The following LRRC3B variants were observed in gnomAD, a reference collection of about 807,000 sequenced individuals.
LRRC3B encodes the protein leucine rich repeat containing 3B, also known as leucine-rich repeat-containing protein 3B.
LRRC3B carries 2 observed loss-of-function variants against 12.8 expected under a neutral mutation model. The ratio of observed to expected loss-of-function variants is 0.16; its 90% CI spans 0.06 to 0.49. The LOEUF is 0.49. Ranked by LOEUF, LRRC3B falls within the 20% of genes least tolerant of loss-of-function variation. The pLI, the probability that LRRC3B is intolerant of heterozygous loss-of-function variation, is 0.96. For synonymous variants in LRRC3B, 132 were observed against 122.0 expected (o/e 1.08, Z -0.54); for missense variants, 189 against 319.4 (o/e 0.59, Z 3.11).
At chr3:26,672,143 AAC>A (rs1240356223) in intron 1 of LRRC3B, among the ~76,000 whole-genome samples, 5 of 152,234 alleles carry the variant, frequency 3.3e-5, no homozygotes, top group South Asian at 2.1e-4. Flanking sequence ...TGTTTTAATT[AAC>A]AGAGTGCATT....
At chr3:26,668,884 T>G (rs1699662985) in intron 1 of LRRC3B, among the ~76,000 whole-genome samples, 1 of 152,178 alleles carries the variant, frequency 6.6e-6, no homozygotes, top group African/African-American at 2.4e-5. Context: ...TTTTATATTA[T>G]GAGTATTTAG....
At chr3:26,681,584 C>G (rs917686482) in intron 1 of LRRC3B, among the ~76,000 whole-genome samples, 4 of 152,120 alleles carry the variant, frequency 2.6e-5, no homozygotes, top group Non-Finnish European at 5.9e-5. Context: ...GATAGTGATT[C>G]ATATCTTTCA....
At chr3:26,702,218 A>G (rs1003312314) in intron 1 of LRRC3B, among the ~76,000 whole-genome samples, 1 of 152,216 alleles carries the variant, frequency 6.6e-6, no homozygotes, top group Admixed American at 6.5e-5. Context: ...TAAAGGCTGG[A>G]ATATTAGAGA....
chr3:26,631,843 G>T (rs78809774), intron 1 of LRRC3B, among the ~76,000 whole-genome samples: 3 of 152,032 alleles, frequency 2.0e-5, no homozygotes, highest in African/African-American at 4.8e-5. Context: ...TACTTCCCCC[G>T]TAAGAGGGAA....
chr3:26,693,624 T>C (rs938653377), intron 1 of LRRC3B, among the ~76,000 whole-genome samples: 1 of 152,200 alleles, frequency 6.6e-6, no homozygotes, highest in South Asian at 2.1e-4. Context: ...ATTTTATAGA[T>C]GAAAACGTTG....
intron 1 of LRRC3B, among the ~76,000 whole-genome samples, chr3:26,691,575 C>T (rs1173380082): frequency 6.6e-6 from 1 of 152,170 alleles, no homozygotes; most frequent in Non-Finnish European, 1.5e-5. Flanking sequence ...ATAACTTCTC[C>T]ATCCATTTCT....
chr3:26,674,464 C>A lies in LRRC3B; in HGVS notation c.-160-35049C>A, dbSNP rs1375369812. 1.3e-4 allele frequency among the ~76,000 whole-genome samples: 19 copies of A among 149,596 alleles called. No individual in the cohort carries two copies. The East Asian group carries it at 3.3e-3, about 26-fold the overall frequency. ...AGTACTTGGCTTCTATTCTTGTGTT[C>A]TTATAAAAAGGAAAGAAGGTTGCTT... On this transcript the variant is annotated intron_variant, in intron 1 of 1. Transcript: ENST00000396641.
intron 1 of LRRC3B, among the ~76,000 whole-genome samples, chr3:26,628,659 T>C (rs988624915): frequency 1.3e-5 from 2 of 151,876 alleles, no homozygotes; most frequent in Admixed American, 1.3e-4. Context: ...ATATACTTTA[T>C]AAAAACTTAG....
At chr3:26,671,362 A>ATATATATATG (rs1559361689) in intron 1 of LRRC3B, among the ~76,000 whole-genome samples, 16 of 77,944 alleles carry the variant, frequency 2.1e-4, no homozygotes, top group African/African-American at 8.6e-4. Context: ...ATATATATAT[A>ATATATATATG]TATATATATA....
At chr3:26,662,970 T>G (rs531678556) in intron 1 of LRRC3B, among the ~76,000 whole-genome samples, 1 of 152,170 alleles carries the variant, frequency 6.6e-6, no homozygotes, top group African/African-American at 2.4e-5. Flanking sequence ...AGGAGGTGCC[T>G]TCTGGGAATC....
At chr3:26,655,282 T>C (rs2125418098) in intron 1 of LRRC3B, among the ~76,000 whole-genome samples, 1 of 152,336 alleles carries the variant, frequency 6.6e-6, no homozygotes, top group East Asian at 1.9e-4. Flanking sequence ...CCTATAGTCA[T>C]AGAGCAAACA....
chr3:26,653,327 C>G (rs1455101656), intron 1 of LRRC3B, among the ~76,000 whole-genome samples: 2 of 151,484 alleles, frequency 1.3e-5, no homozygotes, highest in Non-Finnish European at 2.9e-5. Flanking sequence ...AACAGTTCCT[C>G]CAAGAAATCT....
chr3:26,708,224 G>A (rs1700652111), intron 1 of LRRC3B, among the ~76,000 whole-genome samples: 2 of 152,150 alleles, frequency 1.3e-5, no homozygotes. Flanking sequence ...TAGATCCTGG[G>A]AGGGAATCTT....
chr3:26,685,589 T>C (rs1700069273), intron 1 of LRRC3B, among the ~76,000 whole-genome samples: 1 of 129,342 alleles, frequency 7.7e-6, no homozygotes, highest in African/African-American at 3.1e-5. Context: ...TATACAAGCT[T>C]CACTCATATA....
intron 1 of LRRC3B, among the ~76,000 whole-genome samples, chr3:26,640,550 C>T (rs1229069588): frequency 6.6e-6 from 1 of 152,024 alleles, no homozygotes; most frequent in African/African-American, 2.4e-5. Flanking sequence ...TCCTCTTTTC[C>T]AGTAACTGAC....
rs189364320 is a variant in LRRC3B, at chr3:26,663,862, A to G, written c.-161+40625A>G. ...TGGGTTCCATATTCTCCTCCAGTTC[A>G]GAACCTTGCCATGTCTTGCTTGGAT... On this transcript the variant is annotated intron_variant, in intron 1 of 1. Coordinates refer to ENST00000396641, the Ensembl canonical transcript of LRRC3B. 5.3e-5 allele frequency among the ~76,000 whole-genome samples: 8 copies of G among 152,268 alleles called. No individual in the cohort carries two copies. The East Asian group carries it at 1.5e-3, about 29-fold the overall frequency.
At chr3:26,673,121 C>T (rs975586225) in intron 1 of LRRC3B, among the ~76,000 whole-genome samples, 1 of 152,106 alleles carries the variant, frequency 6.6e-6, no homozygotes, top group South Asian at 2.1e-4. Flanking sequence ...AGGTCTGCTG[C>T]AGTGGCAAGC....
chr3:26,700,289 C>T (rs927156693), intron 1 of LRRC3B, among the ~76,000 whole-genome samples: 2 of 152,114 alleles, frequency 1.3e-5, no homozygotes, highest in Non-Finnish European at 2.9e-5. Flanking sequence ...AAGAGGTCAA[C>T]AGAGGGCTGG....
intron 1 of LRRC3B, among the ~76,000 whole-genome samples, chr3:26,633,554 C>T (rs1210641767): frequency 6.6e-6 from 1 of 152,198 alleles, no homozygotes; most frequent in Non-Finnish European, 1.5e-5. Flanking sequence ...GAACCCTGAA[C>T]AAAGCCTGGT....
Sources: gnomAD v4.1 joint callset for allele counts (sites outside exome capture counted in the v4.1 genomes callset) on GRCh38, gnomAD v4.1.1 for gene constraint, MANE v1.5 for transcripts, NCBI Gene and HGNC (gene_info 2026-07-23, HGNC 2026-07-21) for gene names.